ITGB3BP: variants seen among roughly 807,000 people sequenced by gnomAD.
The protein encoded by ITGB3BP is centromere protein R.
A neutral mutation model predicts 29.1 loss-of-function variants in ITGB3BP; 27 were observed. That is an observed-to-expected ratio of 0.93 (90% CI 0.68 to 1.28). ITGB3BP has a LOEUF of 1.28. Ranked by LOEUF, ITGB3BP falls within the 50% of genes most tolerant of loss-of-function variation. ITGB3BP has a pLI of 0.00. For synonymous variants in ITGB3BP, 61 were observed against 61.4 expected (o/e 0.99, Z 0.03); for missense variants, 192 against 200.2 (o/e 0.96, Z 0.25).
chr1:63,471,379 G>C (rs1428732745), intron 4 of ITGB3BP, among the ~76,000 whole-genome samples: 1 of 149,920 alleles, frequency 6.7e-6, no homozygotes, highest in African/African-American at 2.5e-5. Flanking sequence ...AGCCTCCCAA[G>C]TAGCTGGGAC....
chr1:63,443,612 A>G (rs1451292392), intron 8 of ITGB3BP, among the ~76,000 whole-genome samples: 1 of 152,194 alleles, frequency 6.6e-6, no homozygotes, highest in Admixed American at 6.5e-5. Context: ...ACATTTGTCC[A>G]GTAGCAGGAT....
At chr1:63,497,797 A>G (rs1008041829) in intron 2 of ITGB3BP, among the ~76,000 whole-genome samples, 4 of 152,184 alleles carry the variant, frequency 2.6e-5, no homozygotes, top group African/African-American at 9.7e-5. Context: ...GTCTTCCTGA[A>G]CTGCAGGAGA....
At chr1:63,505,360 C>T (rs1479667473) in intron 2 of ITGB3BP, among the ~76,000 whole-genome samples, 8 of 151,778 alleles carry the variant, frequency 5.3e-5, no homozygotes, top group Non-Finnish European at 1.2e-4. Context: ...TGGTGATATC[C>T]CCTTTATCAT....
chr1:63,462,842 T>C (rs1254258708), intron 4 of ITGB3BP, among the ~76,000 whole-genome samples: 2 of 152,202 alleles, frequency 1.3e-5, no homozygotes, highest in Non-Finnish European at 1.5e-5. Context: ...AAAAACCAGT[T>C]CTGGCATAAC....
chr1:63,522,652 A>AAC (rs1646481864), intron 1 of ITGB3BP, among the ~76,000 whole-genome samples: 1 of 152,126 alleles, frequency 6.6e-6, no homozygotes, highest in East Asian at 1.9e-4. Context: ...AGTAAAAAAA[A>AAC]ACGAAGCTCA....
intron 3 of ITGB3BP, among the ~76,000 whole-genome samples, chr1:63,486,834 T>A (rs774357788): frequency 1.3e-5 from 2 of 152,044 alleles, no homozygotes; most frequent in African/African-American, 2.4e-5. Context: ...ATACACAATT[T>A]ACTTGAGAGA....
At chr1:63,507,226 C>T (rs1329811275) in intron 2 of ITGB3BP, among the ~76,000 whole-genome samples, 1 of 152,162 alleles carries the variant, frequency 6.6e-6, no homozygotes, top group Non-Finnish European at 1.5e-5. Flanking sequence ...TCAACTGGTA[C>T]TACTAAATCA....
intron 4 of ITGB3BP, among the ~76,000 whole-genome samples, chr1:63,477,475 T>A (rs555881066): frequency 1.3e-5 from 2 of 152,244 alleles, no homozygotes; most frequent in South Asian, 4.1e-4. Context: ...TCCCAGCACT[T>A]TGGGAGGCCT....
At chr1:63,472,056 CT>C (rs56806443) in intron 4 of ITGB3BP, among the ~76,000 whole-genome samples, 28 of 150,028 alleles carry the variant, frequency 1.9e-4, no homozygotes, top group African/African-American at 6.4e-4. Flanking sequence ...AGTGAATAAC[CT>C]TTTTTTTTTT....
chr1:63,465,117 ATAT>A (rs1645077009), intron 4 of ITGB3BP, among the ~76,000 whole-genome samples: 1 of 152,182 alleles, frequency 6.6e-6, no homozygotes, highest in Non-Finnish European at 1.5e-5. Flanking sequence ...TGGTTAAATA[ATAT>A]TATTCTTAGG....
upstream of ITGB3BP, among the ~76,000 whole-genome samples, chr1:63,524,608 A>G (rs1646547728): frequency 6.6e-6 from 1 of 152,182 alleles, no homozygotes; most frequent in African/African-American, 2.4e-5. Flanking sequence ...TTGGAGATCT[A>G]TTTTTAGAAG....
At chr1:63,523,939 C>T (rs1448970077), upstream of ITGB3BP, among the ~76,000 whole-genome samples, 1 of 152,000 alleles carries the variant, frequency 6.6e-6, no homozygotes, top group Non-Finnish European at 1.5e-5. Context: ...TATTGTGTGG[C>T]TGGTTATTTA....
intron 1 of ITGB3BP, among the ~76,000 whole-genome samples, chr1:63,516,638 A>C (rs1217108400): frequency 1.4e-5 from 2 of 145,822 alleles, no homozygotes; most frequent in East Asian, 2.2e-4. Context: ...TGAGCCCAGG[A>C]GGTGAAGGTT....
At chr1:63,529,150 A>G (rs1040343937) in exon 2 of ITGB3BP, 4 of 152,204 alleles carry the variant, frequency 2.6e-5, no homozygotes, top group African/African-American at 9.6e-5. Context: ...CTAGGGCAGC[A>G]TGGTAATCAG....
intron 2 of ITGB3BP, among the ~76,000 whole-genome samples, chr1:63,497,486 G>A (rs1645816801): frequency 6.6e-6 from 1 of 152,130 alleles, no homozygotes; most frequent in South Asian, 2.1e-4. Context: ...TGCCGTAAAA[G>A]CACTATAAAC....
intron 1 of ITGB3BP, among the ~76,000 whole-genome samples, chr1:63,513,715 G>A (rs1269932178): frequency 1.3e-5 from 2 of 152,094 alleles, no homozygotes; most frequent in Admixed American, 6.5e-5. Context: ...CCAATGCCAA[G>A]TCAAGAAATT....
intron 7 of ITGB3BP, 181 bp from the exon 8 acceptor site, chr1:63,447,037 T>C (rs1222951757): frequency 7.0e-6 from 4 of 569,076 alleles, no homozygotes; most frequent in African/African-American, 5.6e-5. Flanking sequence ...TTAGCCTGAT[T>C]CTATTTCAGA....
chr1:63,484,336 G>A (rs955015934), intron 3 of ITGB3BP, among the ~76,000 whole-genome samples: 1 of 151,698 alleles, frequency 6.6e-6, no homozygotes, highest in African/African-American at 2.4e-5. Flanking sequence ...AAACTGAGTG[G>A]GATCCAGTAA....
intron 1 of ITGB3BP, among the ~76,000 whole-genome samples, chr1:63,508,909 C>T (rs1646138490): frequency 6.6e-6 from 1 of 152,050 alleles, no homozygotes; most frequent in Non-Finnish European, 1.5e-5. Flanking sequence ...CTTTAAAATA[C>T]CACTATTACA....
Sources: allele counts gnomAD v4.1 joint callset (sites outside exome capture counted in the v4.1 genomes callset), GRCh38; gene constraint gnomAD v4.1.1; transcripts MANE v1.5; gene names NCBI Gene and HGNC (gene_info 2026-07-23, HGNC 2026-07-21).